DNER: variants seen among roughly 807,000 people sequenced by gnomAD.
DNER encodes the protein delta/notch like EGF repeat containing, also known as delta and Notch-like epidermal growth factor-related receptor.
In DNER, 33 loss-of-function variants were observed where a neutral mutation model predicts 78.2. The observed-to-expected ratio is 0.42, with a 90% CI of 0.32 to 0.56. The LOEUF (loss-of-function observed/expected upper bound fraction) is 0.56. Among genes scored for constraint, DNER ranks in the 20% least tolerant of loss-of-function variants. The pLI is 0.11. For synonymous variants in DNER, 417 were observed against 384.8 expected (o/e 1.08, Z -0.98); for missense variants, 918 against 975.3 (o/e 0.94, Z 0.78).
At chr2:229,494,731 G>A (rs970991584) in intron 6 of DNER, among the ~76,000 whole-genome samples, 3 of 152,128 alleles carry the variant, frequency 2.0e-5, no homozygotes, top group Non-Finnish European at 2.9e-5. Context: ...TTACAGCCCC[G>A]CTGATCTCTG....
intron 6 of DNER, among the ~76,000 whole-genome samples, chr2:229,484,987 T>C (rs1466467645): frequency 1.3e-5 from 2 of 152,210 alleles, no homozygotes; most frequent in Admixed American, 6.5e-5. Context: ...GTAAAATACA[T>C]TGACCCAAAA....
intron 2 of DNER, among the ~76,000 whole-genome samples, chr2:229,589,892 T>C (rs1158268713): frequency 1.6e-5 from 2 of 127,436 alleles, no homozygotes; most frequent in Non-Finnish European, 3.2e-5. Flanking sequence ...GTGGCCTTCA[T>C]AAGCTGTGTG....
chr2:229,441,001 T>C (rs1427144373), intron 8 of DNER, among the ~76,000 whole-genome samples: 1 of 152,204 alleles, frequency 6.6e-6, no homozygotes, highest in Non-Finnish European at 1.5e-5. Flanking sequence ...TATCAGCTCA[T>C]ATATACCCAA....
chr2:229,629,163 G>C (rs1431306031), intron 1 of DNER, among the ~76,000 whole-genome samples: 1 of 152,110 alleles, frequency 6.6e-6, no homozygotes, highest in Non-Finnish European at 1.5e-5. Flanking sequence ...GCTGCAAATT[G>C]GCTGCAATCA....
At chr2:229,401,853 A>G (rs934493767) in intron 10 of DNER, among the ~76,000 whole-genome samples, 2 of 152,162 alleles carry the variant, frequency 1.3e-5, no homozygotes, top group African/African-American at 4.8e-5. Context: ...GCCAGAGAAA[A>G]ATAGACCCAT....
rs146281805 is a variant in DNER, at chr2:229,419,503, C to T, written c.1487-1273G>A. Among the ~76,000 whole-genome samples the T allele has an allele frequency of 7.0e-4, 106 of 152,356 alleles. 1 individual carries two copies. Among genetic ancestry groups the T allele is most frequent in the African/African-American group, 2.4e-3 (98 of 41,576 alleles). ...CCAGCTCACAACCAACTCTCAAACT[C>T]AGAAAGTCCCATTAGAACATGCTAA... On this transcript the variant is annotated intron_variant, in intron 8 of 12. Transcript: ENST00000341772.
intron 11 of DNER, among the ~76,000 whole-genome samples, chr2:229,376,843 T>C (rs1692614584): frequency 6.6e-6 from 1 of 152,350 alleles, no homozygotes; most frequent in African/African-American, 2.4e-5. Context: ...TAATTAATTT[T>C]ATTTTTTAAA....
intron 7 of DNER, among the ~76,000 whole-genome samples, chr2:229,458,094 C>T (rs781580620): frequency 6.8e-4 from 87 of 127,794 alleles, no homozygotes; most frequent in Non-Finnish European, 1.1e-3. Flanking sequence ...TGAGATCACA[C>T]CACTGCACTC....
chr2:229,407,129 T>C (rs987680764), intron 10 of DNER, 103 bp downstream of exon 10: 1 of 972,162 alleles, frequency 1.0e-6, no homozygotes, highest in Non-Finnish European at 1.6e-6. Flanking sequence ...ATGGTGTTTA[T>C]ATTTTGCAAT....
At chr2:229,415,115 T>A (rs925493679) in intron 9 of DNER, among the ~76,000 whole-genome samples, 1 of 150,226 alleles carries the variant, frequency 6.7e-6, no homozygotes, top group Admixed American at 6.6e-5. Context: ...TGAGCCGAGA[T>A]CACACCATTG....
intron 1 of DNER, among the ~76,000 whole-genome samples, chr2:229,690,984 G>C (rs1699562186): frequency 6.6e-6 from 1 of 152,274 alleles, no homozygotes. Context: ...TTAATGCTGT[G>C]TCAGTAAAGC....
chr2:229,375,768 C>G (rs1483624498), intron 11 of DNER, among the ~76,000 whole-genome samples: 1 of 152,190 alleles, frequency 6.6e-6, no homozygotes, highest in African/African-American at 2.4e-5. Flanking sequence ...CTGCTATGAT[C>G]TGAATGTATG....
chr2:229,576,119 C>G (rs182411802), intron 4 of DNER, among the ~76,000 whole-genome samples: 97 of 152,268 alleles, frequency 6.4e-4, no homozygotes, highest in African/African-American at 2.2e-3. Flanking sequence ...TTCAGCAGAA[C>G]TTACTCAATT....
At chr2:229,398,317 A>G (rs1232740284) in intron 10 of DNER, among the ~76,000 whole-genome samples, 6 of 151,972 alleles carry the variant, frequency 3.9e-5, no homozygotes, top group Admixed American at 6.5e-5. Flanking sequence ...TATAAAATAG[A>G]TGATTTAAAT....
At chr2:229,607,059 C>G (rs1697954670) in intron 1 of DNER, among the ~76,000 whole-genome samples, 1 of 152,146 alleles carries the variant, frequency 6.6e-6, no homozygotes. Flanking sequence ...ACAAACCATA[C>G]AAGGAAATAA....
intron 7 of DNER, among the ~76,000 whole-genome samples, chr2:229,458,225 C>T (rs1445173802): frequency 6.8e-6 from 1 of 147,738 alleles, no homozygotes; most frequent in Non-Finnish European, 1.5e-5. Context: ...CTAGTATTCT[C>T]TGTTAAAATC....
chr2:229,478,435 A>AT (rs1168378602), intron 6 of DNER, among the ~76,000 whole-genome samples: 1 of 152,204 alleles, frequency 6.6e-6, no homozygotes, highest in African/African-American at 2.4e-5. Flanking sequence ...ATGTGGAGGC[A>AT]TTCATTTGCA....
At chr2:229,525,263 T>C (rs1696186986) in intron 5 of DNER, among the ~76,000 whole-genome samples, 1 of 152,204 alleles carries the variant, frequency 6.6e-6, no homozygotes, top group African/African-American at 2.4e-5. Context: ...AACTTTCCTC[T>C]TAGTAGGTTA....
intron 1 of DNER, among the ~76,000 whole-genome samples, chr2:229,684,868 C>T (rs964680090): frequency 6.6e-6 from 1 of 152,116 alleles, no homozygotes; most frequent in African/African-American, 2.4e-5. Context: ...CCAAATGAAA[C>T]TAATTTAAAA....
Sources: allele counts gnomAD v4.1 joint callset (sites outside exome capture counted in the v4.1 genomes callset), GRCh38; gene constraint gnomAD v4.1.1; transcripts MANE v1.5; gene names NCBI Gene and HGNC (gene_info 2026-07-23, HGNC 2026-07-21).